The following SH3BP5 variants were observed in gnomAD, a reference collection of about 807,000 sequenced individuals.
The protein encoded by SH3BP5 is SH3 domain binding protein 5, also known as SH3 domain-binding protein 5.
In SH3BP5, 22 loss-of-function variants were observed where a neutral mutation model predicts 43.3. That is an observed-to-expected ratio of 0.51 (90% CI 0.36 to 0.73). The LOEUF is 0.73. SH3BP5 is among the 30% of genes least tolerant of loss of function. SH3BP5 has a pLI of 0.00. For synonymous variants in SH3BP5, 255 were observed against 225.8 expected (o/e 1.13, Z -1.16); for missense variants, 529 against 586.9 (o/e 0.90, Z 1.02).
chr3:15,272,961 C>G (rs956948863), intron 3 of SH3BP5, among the ~76,000 whole-genome samples: 1 of 152,066 alleles, frequency 6.6e-6, no homozygotes, highest in Non-Finnish European at 1.5e-5. Flanking sequence ...TGCCCCACCT[C>G]GTGCCTCCAG....
intron 3 of SH3BP5, among the ~76,000 whole-genome samples, chr3:15,282,563 T>C (rs576534283): frequency 2.6e-5 from 4 of 152,054 alleles, no homozygotes; most frequent in Admixed American, 2.0e-4. Context: ...GGGAGATCCA[T>C]ACTATTTATC....
At chr3:15,315,636 C>T (rs759493968) in intron 2 of SH3BP5, among the ~76,000 whole-genome samples, 1 of 152,278 alleles carries the variant, frequency 6.6e-6, no homozygotes, top group South Asian at 2.1e-4. Flanking sequence ...CCCTCCTAGA[C>T]AGAAAGGGTC....
Position 15,299,199 on chromosome 3 carries a change from A to G in SH3BP5, c.330+4904T>C, listed in dbSNP as rs376301700. Among the ~76,000 whole-genome samples, 23 of 152,346 alleles carry G rather than the reference A, an allele frequency of 1.5e-4. No homozygotes were observed. The South Asian group carries it at 3.3e-3, about 22-fold the overall frequency. ...GCCCTCATCAGACTGCTCCCCTACCATATGCTGAAGGCCAGATGGACTGGC... is the reference window on the plus strand; with the variant it reads ...GCCCTCATCAGACTGCTCCCCTACCGTATGCTGAAGGCCAGATGGACTGGC... On this transcript the variant is annotated intron_variant, in intron 3 of 8. Coordinates refer to ENST00000383791, the MANE Select transcript of SH3BP5 (RefSeq NM_004844.5).
chr3:15,337,084 G>GTTTTTTTTTTTTTTTT (rs374056927), upstream of SH3BP5, among the ~76,000 whole-genome samples: 3 of 100,098 alleles, frequency 3.0e-5, no homozygotes, highest in Non-Finnish European at 5.8e-5. Flanking sequence ...TTTTAGTTTA[G>GTTTTTTTTTTTTTTTT]TTTTTTTTTT....
Position 15,254,548 on chromosome 3 carries a change from A to AACTG in SH3BP5, c.*1534_*1537dup, listed in dbSNP as rs574519309. On this transcript the variant is annotated 3_prime_UTR_variant, in exon 9 of 9. Coordinates refer to ENST00000383791, the MANE Select transcript of SH3BP5 (RefSeq NM_004844.5). ...AATTAAATAATTCTCTGGGGATGAG[A>AACTG]ACTGACTGACAGCAACACTTAAGCT... The AACTG allele has an allele frequency of 2.9e-4, 44 of 149,738 alleles. No homozygotes were observed. The highest frequency in any genetic ancestry group is 1.1e-3 in the African/African-American group (44 of 39,036). 9.3% of individuals were successfully genotyped at this position (149,738 alleles called of 1,614,324 possible).
chr3:15,262,973 A>T (rs1696504934), intron 4 of SH3BP5, among the ~76,000 whole-genome samples: 1 of 152,218 alleles, frequency 6.6e-6, no homozygotes, highest in Non-Finnish European at 1.5e-5. Flanking sequence ...ATATATGTAT[A>T]TATAGATATC....
At chr3:15,276,501 C>T (rs868858566) in intron 3 of SH3BP5, among the ~76,000 whole-genome samples, 2 of 152,190 alleles carry the variant, frequency 1.3e-5, no homozygotes, top group Non-Finnish European at 2.9e-5. Context: ...ACGGTCTCCC[C>T]GCCAGCAATA....
chr3:15,335,008 C>T (rs1443101826), upstream of SH3BP5, among the ~76,000 whole-genome samples: 1 of 151,910 alleles, frequency 6.6e-6, no homozygotes, highest in Non-Finnish European at 1.5e-5. Context: ...TGTGGTGGCT[C>T]ATGCCTGTAA....
intron 2 of SH3BP5, among the ~76,000 whole-genome samples, chr3:15,308,547 C>T (rs1697971523): frequency 6.6e-6 from 1 of 152,146 alleles, no homozygotes; most frequent in Admixed American, 6.5e-5. Flanking sequence ...TTCCACCAGA[C>T]AGAGAAGGGG....
At chr3:15,278,635 ATCT>A (rs1697037362) in intron 3 of SH3BP5, among the ~76,000 whole-genome samples, 1 of 152,242 alleles carries the variant, frequency 6.6e-6, no homozygotes, top group Non-Finnish European at 1.5e-5. Flanking sequence ...CTTTGAAAAC[ATCT>A]TCTGGAGAGA....
intron 5 of SH3BP5, chr3:15,260,298 A>C (rs1696387158): frequency 6.0e-6 from 1 of 166,806 alleles, no homozygotes; most frequent in Non-Finnish European, 1.3e-5. Flanking sequence ...CAGCAAGGCC[A>C]CCACTAGGAG....
At chr3:15,311,697 C>T (rs1698062650) in intron 2 of SH3BP5, among the ~76,000 whole-genome samples, 1 of 152,030 alleles carries the variant, frequency 6.6e-6, no homozygotes, top group African/African-American at 2.4e-5. Flanking sequence ...TTTTTTGAGA[C>T]AGGATCTCTC....
rs1425579802 is a variant in SH3BP5, at chr3:15,262,149, C to T, written c.626+10G>A. 6.2e-7 allele frequency: 1 copy of T among 1,613,998 alleles called. No individual in the cohort carries two copies. The highest frequency in any genetic ancestry group is 8.5e-7 in the Non-Finnish European group (1 of 1,179,916). ...CGCACGGCCCCAGGGAAGGCCCTGT[C>T]CAGACTTACTTGGACTTGTTGATGG... On this transcript the variant is annotated intron_variant, in intron 5 of 8. Transcript: ENST00000383791.
chr3:15,318,498 A>G (rs1183123862), intron 2 of SH3BP5, among the ~76,000 whole-genome samples: 1 of 146,082 alleles, frequency 6.8e-6, no homozygotes, highest in East Asian at 2.1e-4. Flanking sequence ...ATCATATGCT[A>G]TGCAGCTATG....
chr3:15,305,602 G>A (rs370421552), intron 2 of SH3BP5, among the ~76,000 whole-genome samples: 24 of 152,306 alleles, frequency 1.6e-4, no homozygotes, highest in African/African-American at 5.8e-4. Context: ...TATCTAAACA[G>A]AAGTCCAAAG....
intron 6 of SH3BP5, chr3:15,259,451 A>G (rs1396883961): frequency 3.8e-6 from 2 of 532,448 alleles, no homozygotes; most frequent in Non-Finnish European, 6.8e-6. Flanking sequence ...AGAGTTTCTA[A>G]TTCAGTCGGT....
intron 2 of SH3BP5, among the ~76,000 whole-genome samples, chr3:15,321,887 C>T (rs1698336524): frequency 2.6e-5 from 4 of 151,990 alleles, no homozygotes; most frequent in Admixed American, 2.6e-4. Flanking sequence ...ACAAGCAGTT[C>T]ACATTCTTTG....
chr3:15,265,488 C>A (rs1263864239), intron 4 of SH3BP5, among the ~76,000 whole-genome samples: 1 of 135,364 alleles, frequency 7.4e-6, no homozygotes, highest in African/African-American at 3.0e-5. Flanking sequence ...TGCACTCCAG[C>A]CTGAGCTACA....
intron 3 of SH3BP5, among the ~76,000 whole-genome samples, chr3:15,303,650 G>A (rs908978820): frequency 7.3e-5 from 11 of 151,136 alleles, no homozygotes; most frequent in African/African-American, 1.7e-4. Context: ...GTCAGAATCC[G>A]CTAAGGAGTG....
Sources: allele counts gnomAD v4.1 joint callset (sites outside exome capture counted in the v4.1 genomes callset), GRCh38; gene constraint gnomAD v4.1.1; transcripts MANE v1.5; gene names NCBI Gene and HGNC (gene_info 2026-07-23, HGNC 2026-07-21).